KCNMB4: variants seen among roughly 807,000 people sequenced by gnomAD.
The protein encoded by KCNMB4 is calcium-activated potassium channel subunit beta-4.
Under a neutral mutation model 20.7 loss-of-function variants are expected in KCNMB4, and 3 were observed. That is an observed-to-expected ratio of 0.14 (90% CI 0.07 to 0.37). The LOEUF is 0.37. Ranked by LOEUF, KCNMB4 falls within the 10% of genes least tolerant of loss-of-function variation. The probability of loss-of-function intolerance (pLI) is 1.00; values close to 1 mark genes in which losing one functional copy is unlikely to be tolerated. For missense variants in KCNMB4, 168 were observed against 265.9 expected, an observed-to-expected ratio of 0.63 and a Z score of 2.56; for synonymous variants, 110 against 113.4, an observed-to-expected ratio of 0.97 and a Z score of 0.19.
rs559506920 is a variant in KCNMB4, at chr12:70,426,515, A to T, written c.465-3970A>T. Among the ~76,000 whole-genome samples, 142 of 152,314 alleles carry T rather than the reference A, an allele frequency of 9.3e-4. 1 individual carries two copies. The highest frequency in any genetic ancestry group is 2.9e-3 in the Admixed American group (44 of 15,298). ...CAAACTCAGATGCTGATTATAGTAA[A>T]TCAAGGGTTGAAAACCAGGGAACTG... On this transcript the variant is annotated intron_variant, in intron 2 of 2. Transcript: ENST00000258111.
chr12:70,414,693 C>T (rs1417707533), intron 2 of KCNMB4, among the ~76,000 whole-genome samples: 1 of 152,176 alleles, frequency 6.6e-6, no homozygotes, highest in Non-Finnish European at 1.5e-5. Context: ...TCATATGGAG[C>T]TTATACTTAA....
At chr12:70,381,983 T>A (rs1883794805) in intron 1 of KCNMB4, among the ~76,000 whole-genome samples, 1 of 152,192 alleles carries the variant, frequency 6.6e-6, no homozygotes, top group Admixed American at 6.5e-5. Flanking sequence ...ATTCAGCAAG[T>A]GGTGTTAAAA....
chr12:70,379,273 T>C (rs1389389307), intron 1 of KCNMB4, among the ~76,000 whole-genome samples: 1 of 152,212 alleles, frequency 6.6e-6, no homozygotes, highest in African/African-American at 2.4e-5. Flanking sequence ...ACTTTATAGC[T>C]ATGAAAGTCC....
At chr12:70,379,199 A>G (rs778342394) in intron 1 of KCNMB4, among the ~76,000 whole-genome samples, 50 of 152,210 alleles carry the variant, frequency 3.3e-4, no homozygotes, top group Non-Finnish European at 6.9e-4. Context: ...GCTTCAGCTT[A>G]AAGTCACCAG....
At chr12:70,402,284 G>A (rs1191048682) in intron 2 of KCNMB4, among the ~76,000 whole-genome samples, 1 of 152,014 alleles carries the variant, frequency 6.6e-6, no homozygotes, top group Non-Finnish European at 1.5e-5. Context: ...GTGATGTGTT[G>A]CAGGTAATCA....
chr12:70,377,792 C>G (rs1271829378), intron 1 of KCNMB4, among the ~76,000 whole-genome samples: 1 of 152,128 alleles, frequency 6.6e-6, no homozygotes. Context: ...CAACAGTGTT[C>G]ACAGCATTTT....
At chr12:70,391,450 A>G (rs1868298559) in intron 1 of KCNMB4, among the ~76,000 whole-genome samples, 1 of 152,070 alleles carries the variant, frequency 6.6e-6, no homozygotes, top group Non-Finnish European at 1.5e-5. Flanking sequence ...CTAAAGACAT[A>G]TACCAGTACA....
intron 2 of KCNMB4, among the ~76,000 whole-genome samples, chr12:70,429,887 C>A (rs1869313485): frequency 6.6e-6 from 1 of 152,056 alleles, no homozygotes; most frequent in African/African-American, 2.4e-5. Flanking sequence ...AAAATGACGG[C>A]TAATTTCACC....
chr12:70,411,959 CTGGAGGATCCATGAACAATT>C (rs1283949200), intron 2 of KCNMB4, among the ~76,000 whole-genome samples: 2 of 152,040 alleles, frequency 1.3e-5, no homozygotes, highest in African/African-American at 2.4e-5. Flanking sequence ...GAAGCCAAAG[CTGGAGGATCCATGAACAATT>C]TGGAGACTGT....
At chr12:70,398,349 G>A (rs1176200801) in intron 1 of KCNMB4, among the ~76,000 whole-genome samples, 2 of 152,024 alleles carry the variant, frequency 1.3e-5, no homozygotes, top group African/African-American at 4.8e-5. Flanking sequence ...TCCAGAAAAG[G>A]GAAGTAATTT....
chr12:70,373,791 T>C (rs1009917483), intron 1 of KCNMB4, among the ~76,000 whole-genome samples: 1 of 152,124 alleles, frequency 6.6e-6, no homozygotes, highest in African/African-American at 2.4e-5. Context: ...GGCTGAGGCC[T>C]GTACCACGTA....
intron 1 of KCNMB4, among the ~76,000 whole-genome samples, chr12:70,390,745 C>T (rs1320871398): frequency 1.3e-5 from 2 of 152,166 alleles, no homozygotes; most frequent in Non-Finnish European, 2.9e-5. Context: ...AGACGCTATA[C>T]TTTCAGGATC....
chr12:70,391,763 CGA>C (rs1222658281), intron 1 of KCNMB4, among the ~76,000 whole-genome samples: 2 of 152,154 alleles, frequency 1.3e-5, no homozygotes, highest in Admixed American at 6.5e-5. Context: ...TGAGCATTCT[CGA>C]GAGAGATGCA....
At position 70,366,701 on chromosome 12, in the gene KCNMB4, G is replaced by A; in HGVS notation, c.-34G>A. 1 of 1,480,002 alleles carries A rather than the reference G, an allele frequency of 6.8e-7. No homozygotes were observed. The highest frequency in any genetic ancestry group is 9.0e-7 in the Non-Finnish European group (1 of 1,113,560). 91.7% of individuals were successfully genotyped at this position (1,480,002 alleles called of 1,614,324 possible). ...TCGGCGCCGGGGGCGGGAGGGGGCG[G>A]GGGGAGCACGCCAGCCGCCGAGAGT... On this transcript the variant is annotated 5_prime_UTR_variant, in exon 1 of 3. Coordinates refer to ENST00000258111, the MANE Select transcript of KCNMB4 (RefSeq NM_014505.6).
chr12:70,422,183 T>C (rs1869085318), intron 2 of KCNMB4, among the ~76,000 whole-genome samples: 1 of 152,214 alleles, frequency 6.6e-6, no homozygotes, highest in African/African-American at 2.4e-5. Flanking sequence ...GTAAATGTCT[T>C]CTTGTCTCCA....
intron 1 of KCNMB4, among the ~76,000 whole-genome samples, chr12:70,394,992 G>A (rs1453284307): frequency 6.6e-6 from 1 of 152,060 alleles, no homozygotes; most frequent in East Asian, 1.9e-4. Flanking sequence ...AAATGGCTCA[G>A]TTATACTTTT....
At chr12:70,396,341 G>C (rs1428501323) in intron 1 of KCNMB4, among the ~76,000 whole-genome samples, 14 of 152,142 alleles carry the variant, frequency 9.2e-5, no homozygotes, top group Non-Finnish European at 2.1e-4. Flanking sequence ...GTCTTGCTCT[G>C]TCACCGAAGC....
chr12:70,400,331 T>C lies in KCNMB4; in HGVS notation c.459T>C (p.His153=). 1 of 1,605,930 alleles carries C rather than the reference T, an allele frequency of 6.2e-7. No individual in the cohort carries two copies. Reference sequence around the variant, plus strand: ...CATTTACTTGCTATTTTAATCAACATCAAAGGTAAGTCAATATTTGCATGT... The same window carrying C: ...CATTTACTTGCTATTTTAATCAACACCAAAGGTAAGTCAATATTTGCATGT... The part of the protein sequence containing the change: ...SQPFTCYFNQ[H]QRPDDVLLHR... The change falls in exon 2 of 3, where the codon CAT becomes CAC. Residue 153 remains histidine, a synonymous_variant. Coordinates refer to ENST00000258111, the MANE Select transcript of KCNMB4 (RefSeq NM_014505.6).
At chr12:70,386,176 A>G (rs1868254811) in intron 1 of KCNMB4, among the ~76,000 whole-genome samples, 1 of 152,156 alleles carries the variant, frequency 6.6e-6, no homozygotes, top group Non-Finnish European at 1.5e-5. Flanking sequence ...TCTATTTTCT[A>G]AAAACCTTTT....
Sources: gnomAD v4.1 joint callset for allele counts (sites outside exome capture counted in the v4.1 genomes callset) on GRCh38, gnomAD v4.1.1 for gene constraint, MANE v1.5 for transcripts, NCBI Gene and HGNC (gene_info 2026-07-23, HGNC 2026-07-21) for gene names.